CTDSPL2: variants seen among roughly 807,000 people sequenced by gnomAD.
CTDSPL2 encodes CTD small phosphatase like 2, also known as CTD small phosphatase-like protein 2.
In CTDSPL2, 5 loss-of-function variants were observed where a neutral mutation model predicts 60.0. The ratio of observed to expected loss-of-function variants is 0.08; its 90% CI spans 0.04 to 0.18. The LOEUF (loss-of-function observed/expected upper bound fraction) is 0.18. Ranked by LOEUF, CTDSPL2 falls within the 10% of genes least tolerant of loss-of-function variation. CTDSPL2 has a pLI of 1.00. For synonymous variants in CTDSPL2, 186 were observed against 189.3 expected (o/e 0.98, Z 0.14); for missense variants, 370 against 548.8 (o/e 0.67, Z 3.26).
chr15:44,474,991 TAATA>T (rs912414775), intron 2 of CTDSPL2, among the ~76,000 whole-genome samples: 3 of 152,008 alleles, frequency 2.0e-5, no homozygotes, highest in Non-Finnish European at 4.4e-5. Context: ...AATAAATAAA[TAATA>T]AATAAATAAA....
chr15:44,496,214 A>G (rs748282973), intron 5 of CTDSPL2, among the ~76,000 whole-genome samples, 166 bp from the exon 6 acceptor site: 4 of 152,188 alleles, frequency 2.6e-5, no homozygotes, highest in African/African-American at 9.7e-5. Flanking sequence ...CTTTAGATCT[A>G]AAGTTAGATC....
At chr15:44,459,250 G>A (rs749310234) in intron 2 of CTDSPL2, 50 bp downstream of exon 2, 15 of 1,396,828 alleles carry the variant, frequency 1.1e-5, no homozygotes, top group Admixed American at 8.6e-5. Flanking sequence ...AAAATTGGCC[G>A]GGCACGGTGG....
At chr15:44,438,271 A>T (rs2080017381) in intron 1 of CTDSPL2, among the ~76,000 whole-genome samples, 1 of 152,058 alleles carries the variant, frequency 6.6e-6, no homozygotes, top group Non-Finnish European at 1.5e-5. Context: ...CTCAAAAAAA[A>T]AAAAAAAGAA....
chr15:44,493,007 C>A (rs998257294), intron 5 of CTDSPL2, among the ~76,000 whole-genome samples: 3 of 152,008 alleles, frequency 2.0e-5, no homozygotes, highest in Admixed American at 6.6e-5. Flanking sequence ...TGTAACTTAG[C>A]GGTTTCTAGA....
intron 1 of CTDSPL2, among the ~76,000 whole-genome samples, chr15:44,437,925 A>G (rs1312459301): frequency 1.3e-5 from 2 of 152,340 alleles, no homozygotes; most frequent in East Asian, 1.9e-4. Flanking sequence ...AGAAGCATGT[A>G]TAGAGCACAG....
chr15:44,479,573 A>G (rs761820904), intron 2 of CTDSPL2, among the ~76,000 whole-genome samples: 3 of 151,678 alleles, frequency 2.0e-5, no homozygotes, highest in African/African-American at 7.3e-5. Context: ...ATGATTGGCT[A>G]ATTTTTAAAT....
chr15:44,451,504 G>A (rs1416075116), intron 1 of CTDSPL2, among the ~76,000 whole-genome samples: 1 of 152,162 alleles, frequency 6.6e-6, no homozygotes, highest in Non-Finnish European at 1.5e-5. Flanking sequence ...GGGATCAAGA[G>A]TGAATTTTGT....
At chr15:44,437,517 A>AC (rs1159219869) in intron 1 of CTDSPL2, among the ~76,000 whole-genome samples, 4 of 152,202 alleles carry the variant, frequency 2.6e-5, no homozygotes, top group Non-Finnish European at 5.9e-5. Flanking sequence ...TGAGGAAGAA[A>AC]CTTTTAGTTT....
intron 10 of CTDSPL2, among the ~76,000 whole-genome samples, chr15:44,515,516 G>C (rs1372040916): frequency 6.6e-6 from 1 of 152,154 alleles, no homozygotes; most frequent in Admixed American, 6.5e-5. Flanking sequence ...CCTTTAAGAG[G>C]AGGGGTTAAT....
chr15:44,498,361 C>CT (rs1318826382), intron 7 of CTDSPL2, among the ~76,000 whole-genome samples: 2 of 152,090 alleles, frequency 1.3e-5, no homozygotes, highest in African/African-American at 4.8e-5. Context: ...AATTCCAGCA[C>CT]TTTGGGAGGC....
chr15:44,460,400 G>C (rs891084766), intron 2 of CTDSPL2, among the ~76,000 whole-genome samples: 1 of 152,126 alleles, frequency 6.6e-6, no homozygotes, highest in Non-Finnish European at 1.5e-5. Context: ...GAGCCACCGC[G>C]CCCGGCCTCA....
intron 7 of CTDSPL2, among the ~76,000 whole-genome samples, chr15:44,499,195 A>C (rs945129027): frequency 1.3e-5 from 2 of 152,260 alleles, no homozygotes; most frequent in African/African-American, 2.4e-5. Flanking sequence ...TCCTGAGGTC[A>C]GGAGTTCGAG....
Position 44,493,704 on chromosome 15 carries a change from G to A in CTDSPL2, c.692-2676G>A, listed in dbSNP as rs562024047. 6.8e-4 allele frequency among the ~76,000 whole-genome samples: 104 copies of A among 152,296 alleles called. 2 individuals are homozygous for A. Among genetic ancestry groups the A allele is most frequent in the South Asian group, 1.9e-3 (9 of 4,830 alleles). On this transcript the variant is annotated intron_variant, in intron 5 of 12. Transcript: ENST00000260327. Reference sequence around the variant, plus strand: ...AGTCCCAGCTACTTGAAGGGCTGAGGTGGGAGGATTGCTTGAGCCTGTGAG... The same window carrying A: ...AGTCCCAGCTACTTGAAGGGCTGAGATGGGAGGATTGCTTGAGCCTGTGAG...
chr15:44,475,859 T>C (rs1280354505), intron 2 of CTDSPL2, among the ~76,000 whole-genome samples: 2 of 152,196 alleles, frequency 1.3e-5, no homozygotes, highest in Admixed American at 6.5e-5. Context: ...GACAACCTTA[T>C]GCAGCCAAAG....
chr15:44,481,825 G>A (rs966620212), intron 2 of CTDSPL2, among the ~76,000 whole-genome samples: 6 of 152,056 alleles, frequency 3.9e-5, no homozygotes, highest in Admixed American at 6.6e-5. Context: ...CGCCTGCCTC[G>A]GCCTCCCAAA....
At chr15:44,457,761 G>A (rs772891592) in intron 1 of CTDSPL2, among the ~76,000 whole-genome samples, 3 of 152,048 alleles carry the variant, frequency 2.0e-5, no homozygotes, top group Non-Finnish European at 4.4e-5. Context: ...ACAGGCCCCT[G>A]CCACCACGCC....
At chr15:44,496,328 T>G (rs1480690177) in intron 5 of CTDSPL2, 52 bp from the exon 6 acceptor site, 2 of 1,169,570 alleles carry the variant, frequency 1.7e-6, no homozygotes, top group South Asian at 2.5e-5. Flanking sequence ...AAATATATAT[T>G]TCATGAAGCA....
At chr15:44,497,185 C>T in intron 7 of CTDSPL2, 47 bp downstream of exon 7, 6 of 1,052,342 alleles carry the variant, frequency 5.7e-6, no homozygotes, top group African/African-American at 1.6e-5. Context: ...GGGTGAAATT[C>T]TTTTTTAGAA....
chr15:44,526,540 T>C lies in CTDSPL2; in HGVS notation c.*2366T>C, dbSNP rs1053178292. The C allele has an allele frequency of 6.6e-6, 1 of 152,190 alleles. No individual in the cohort carries two copies. The highest frequency in any genetic ancestry group is 1.5e-5 in the Non-Finnish European group (1 of 67,984). 9.4% of individuals were successfully genotyped at this position (152,190 alleles called of 1,614,324 possible). On this transcript the variant is annotated 3_prime_UTR_variant, in exon 13 of 13. Transcript: ENST00000260327. Reference sequence around the variant, plus strand: ...AGAAATAAACTAAGAAAATTTTTTATGGCTTGAGAAAATTCCTTGAGGCCA... The same window carrying C: ...AGAAATAAACTAAGAAAATTTTTTACGGCTTGAGAAAATTCCTTGAGGCCA...
Sources: allele counts gnomAD v4.1 joint callset (sites outside exome capture counted in the v4.1 genomes callset), GRCh38; gene constraint gnomAD v4.1.1; transcripts MANE v1.5; gene names NCBI Gene and HGNC (gene_info 2026-07-23, HGNC 2026-07-21).